UNC45A: variants seen among roughly 807,000 people sequenced by gnomAD.
The protein encoded by UNC45A is unc-45 myosin chaperone A.
A neutral mutation model predicts 103.2 loss-of-function variants in UNC45A; 78 were observed. The ratio of observed to expected loss-of-function variants is 0.76; its 90% CI spans 0.63 to 0.91. The LOEUF (loss-of-function observed/expected upper bound fraction) is 0.91, where lower values mean the gene tolerates loss of function less well. UNC45A is among the 40% of genes least tolerant of loss of function. The pLI is 0.00. For missense variants in UNC45A, 1,193 were observed against 1,224.8 expected (o/e 0.97, Z 0.39); for synonymous variants, 495 against 504.6 (o/e 0.98, Z 0.25).
At chr15:90,931,752 C>T (rs1215151015), upstream of UNC45A, 2 of 1,614,048 alleles carry the variant, frequency 1.2e-6, no homozygotes, top group Non-Finnish European at 1.7e-6. Flanking sequence ...AGCTTGTCTG[C>T]CAGCTTCACC....
At position 90,935,602 on chromosome 15, in the gene UNC45A, ACGGGGGCG is replaced by A; in HGVS notation, c.112_119del (p.Gly38ProfsTer46). The A allele has an allele frequency of 6.2e-7, 1 of 1,613,098 alleles. No homozygotes were observed. On this transcript the variant is annotated frameshift_variant, in exon 2 of 20. Coordinates refer to ENST00000418476, the MANE Select transcript of UNC45A (RefSeq NM_018671.5). LOFTEE classifies it high-confidence loss of function. ...AATGAGCTGTTCAAATGTGGAGACT[ACGGGGGCG>A]CCCTGGCGGCCTACACTCAGGCCCT...
chr15:90,941,267 A>G (rs1246964317), intron 6 of UNC45A, among the ~76,000 whole-genome samples: 1 of 152,034 alleles, frequency 6.6e-6, no homozygotes, highest in Non-Finnish European at 1.5e-5. Context: ...GATTCTCAGC[A>G]TGGATGGTGG....
Position 90,935,992 on chromosome 15 carries a change from T to C in UNC45A, c.250+10T>C. 1.2e-6 allele frequency: 2 copies of C among 1,613,916 alleles called. No homozygotes were observed. Among genetic ancestry groups the C allele is most frequent in the African/African-American group, 2.7e-5 (2 of 75,032 alleles). On this transcript the variant is annotated intron_variant, in intron 3 of 19. Transcript: ENST00000418476. Reference sequence around the variant, plus strand: ...ACAGAGGCATCCAAAGGTAGGGGAATGGTGGGCCCTGGTGTGGAGCTGTAG... The same window carrying C: ...ACAGAGGCATCCAAAGGTAGGGGAACGGTGGGCCCTGGTGTGGAGCTGTAG...
intron 9 of UNC45A, among the ~76,000 whole-genome samples, chr15:90,945,789 C>T (rs1285291045): frequency 4.0e-5 from 6 of 151,350 alleles, no homozygotes; most frequent in East Asian, 3.9e-4. Flanking sequence ...CCCACCACCA[C>T]GCCTGGCTAA....
At position 90,948,209 on chromosome 15, in the gene UNC45A, A is replaced by T; in HGVS notation, c.1663A>T (p.Thr555Ser). The T allele has an allele frequency of 6.2e-7, 1 of 1,614,078 alleles. No homozygotes were observed. The highest frequency in any genetic ancestry group is 1.1e-5 in the South Asian group (1 of 91,078). ...GGCAGTGGAGGGCCTGGCTTACCTG[A>T]CCTTTGATGCCGACGTGAAGGAAGA... ...RWAVEGLAYL[T>S]FDADVKEEFV... The change falls in exon 12 of 20, where the codon ACC (threonine) becomes TCC (serine). Residue 555 changes from threonine (T) to serine (S), a missense_variant. Thr to Ser is a moderately conservative substitution (Grantham distance 58, BLOSUM62 1). Coordinates refer to ENST00000418476, the MANE Select transcript of UNC45A (RefSeq NM_018671.5).
intron 9 of UNC45A, among the ~76,000 whole-genome samples, chr15:90,945,354 T>C (rs1410918902): frequency 6.6e-6 from 1 of 150,692 alleles, no homozygotes; most frequent in African/African-American, 2.4e-5. Context: ...AGATGAAACA[T>C]GACAGTCCTT....
chr15:90,933,943 G>C (rs559584811), upstream of UNC45A: 38 of 397,718 alleles, frequency 9.6e-5, no homozygotes, highest in African/African-American at 7.2e-4. Context: ...CAAGGGCCTT[G>C]GGGCTTTGAC....
Position 90,950,137 on chromosome 15 carries a change from C to G in UNC45A, c.2074-17C>G. The G allele has an allele frequency of 6.5e-7, 1 of 1,550,244 alleles. No homozygotes were observed. Among genetic ancestry groups the G allele is most frequent in the Non-Finnish European group, 8.7e-7 (1 of 1,146,448 alleles). ...CTCCCAGGGATGTCCTGAGCAGTGACGGGCTTGTTCCTACAGGCGCTGATC... is the reference window on the plus strand; with the variant it reads ...CTCCCAGGGATGTCCTGAGCAGTGAGGGGCTTGTTCCTACAGGCGCTGATC... On this transcript the variant is annotated splice_polypyrimidine_tract_variant and intron_variant, in intron 15 of 19. Transcript: ENST00000418476.
At chr15:90,931,281 T>TGTC (rs554761360), upstream of UNC45A, 4,242 of 1,550,630 alleles carry the variant, frequency 2.7e-3, 33 homozygotes, top group South Asian at 0.018. Context: ...CTGATCAGAT[T>TGTC]GTCAGCCCCC....
At chr15:90,936,920 C>T (rs192220967) in intron 4 of UNC45A, among the ~76,000 whole-genome samples, 1 of 152,286 alleles carries the variant, frequency 6.6e-6, no homozygotes, top group Admixed American at 6.5e-5. Flanking sequence ...TGGAACTTGC[C>T]TGAATGCCCA....
At chr15:90,932,600 C>G (rs1213170019), upstream of UNC45A, 2 of 1,089,132 alleles carry the variant, frequency 1.8e-6, no homozygotes, top group African/African-American at 1.6e-5. Flanking sequence ...TTACAGCGCC[C>G]CCTGGCGCCG....
chr15:90,949,882 G>A (rs1490611551), intron 15 of UNC45A, 162 bp downstream of exon 15: 2 of 799,858 alleles, frequency 2.5e-6, no homozygotes, highest in East Asian at 5.3e-5. Flanking sequence ...AAGCAGGCAA[G>A]CTCCTTGGCC....
At chr15:90,938,952 G>A (rs184105367) in intron 4 of UNC45A, among the ~76,000 whole-genome samples, 2 of 152,098 alleles carry the variant, frequency 1.3e-5, no homozygotes, top group Admixed American at 6.6e-5. Context: ...GATTACAGGC[G>A]TGAGCCACCG....
Position 90,949,721 on chromosome 15 carries a change from G to A in UNC45A, c.2073+1G>A. ...TGTGGTTGCCCAGGGAGGCGGCAGG[G>A]TAAGCTGGTTTACACACCCCTTCCT... On this transcript the variant is annotated splice_donor_variant, in intron 15 of 19. Coordinates refer to ENST00000418476, the MANE Select transcript of UNC45A (RefSeq NM_018671.5). LOFTEE classifies it high-confidence loss of function. The A allele has an allele frequency of 1.9e-6, 3 of 1,614,138 alleles. No homozygotes were observed. The highest frequency in any genetic ancestry group is 2.5e-6 in the Non-Finnish European group (3 of 1,180,006).
In UNC45A at chr15:90,943,064, C is replaced by T. The variant is rs745888745; in HGVS notation, c.1009C>T (p.Leu337Phe). The T allele has an allele frequency of 5.6e-6, 9 of 1,612,302 alleles. No homozygotes were observed. The highest frequency in any genetic ancestry group is 6.8e-6 in the Non-Finnish European group (8 of 1,179,146). Residue 337 changes from leucine to phenylalanine, a missense_variant, in exon 8 of 20, where the codon CTC becomes TTC. By Grantham distance (22) the Leu-to-Phe change is conservative. Transcript: ENST00000418476. ...CAAGGACCCCAACAACAGCCTCACC[C>T]TCTGGGTCATCGACCAAGGTAGGTG... ...SLKDPNNSLT[L>F]WVIDQGLKKI...
upstream of UNC45A, chr15:90,935,262 C>A (rs1473134490): frequency 2.6e-6 from 4 of 1,514,028 alleles, no homozygotes; most frequent in Admixed American, 1.9e-5. Flanking sequence ...GGTGGCGTCC[C>A]GAACCCAGAC....
rs747404609 is a variant in UNC45A, at chr15:90,947,810, C to T, written c.1515C>T (p.Leu505=). 7.4e-6 allele frequency: 12 copies of T among 1,613,976 alleles called. No homozygotes were observed. The African/African-American group carries it at 8.0e-5, about 11-fold the overall frequency. The part of the protein sequence containing the change: ...RIRALVGLCK[L]GSAGGTDFSM... ...TCTTCCTCCAGGGACTCTGTAAGCT[C>T]GGTTCGGCTGGAGGGACTGACTTCA... Residue 505 remains leucine, a synonymous_variant, in exon 11 of 20, where the codon CTC becomes CTT. Transcript: ENST00000418476.
intron 10 of UNC45A, 154 bp downstream of exon 10, chr15:90,947,068 AG>A: frequency 1.2e-6 from 1 of 840,504 alleles, no homozygotes; most frequent in East Asian, 2.7e-5. Flanking sequence ...GCATGCCTAT[AG>A]GTCCAGCTAC....
chr15:90,932,052 T>C (rs781390517), upstream of UNC45A: 42 of 1,613,454 alleles, frequency 2.6e-5, no homozygotes, highest in East Asian at 1.6e-4. Flanking sequence ...GGGGGAAAGT[T>C]ACCTGTAACA....
Sources: allele counts gnomAD v4.1 joint callset (sites outside exome capture counted in the v4.1 genomes callset), GRCh38; gene constraint gnomAD v4.1.1; transcripts MANE v1.5; gene names NCBI Gene and HGNC (gene_info 2026-07-23, HGNC 2026-07-21).